Variants in CTNNA3 observed in about 807,000 individuals in gnomAD.
CTNNA3 encodes the protein catenin alpha-3.
In CTNNA3, 76 loss-of-function variants were observed where a neutral mutation model predicts 95.7. The ratio of observed to expected loss-of-function variants is 0.79; its 90% CI spans 0.66 to 0.96. The LOEUF (loss-of-function observed/expected upper bound fraction) is 0.96, where lower values mean the gene tolerates loss of function less well. Ranked by LOEUF, CTNNA3 falls within the 40% of genes least tolerant of loss-of-function variation. The pLI, the probability that CTNNA3 is intolerant of heterozygous loss-of-function variation, is 0.00. For missense variants in CTNNA3, 1,191 were observed against 1,089.8 expected (o/e 1.09, Z -1.31); for synonymous variants, 431 against 374.4 (o/e 1.15, Z -1.74).
chr10:66,171,989 T>C (rs1441346186), intron 13 of CTNNA3, among the ~76,000 whole-genome samples: 1 of 152,300 alleles, frequency 6.6e-6, no homozygotes, highest in Non-Finnish European at 1.5e-5. Context: ...CTAATGGAAT[T>C]AGGAACAAAA....
intron 9 of CTNNA3, among the ~76,000 whole-genome samples, chr10:66,696,703 C>G (rs1049559391): frequency 3.9e-5 from 6 of 152,012 alleles, no homozygotes; most frequent in Non-Finnish European, 7.4e-5. Flanking sequence ...GAGGCCCAGG[C>G]AGGAGGATCA....
chr10:67,160,811 A>C, intron 7 of CTNNA3, among the ~76,000 whole-genome samples: 1 of 152,216 alleles, frequency 6.6e-6, no homozygotes, highest in East Asian at 1.9e-4. Flanking sequence ...TGGATAAAAA[A>C]TATGTGGTAT....
chr10:67,727,782 G>C (rs1180022420), intron 1 of CTNNA3, among the ~76,000 whole-genome samples: 29 of 117,950 alleles, frequency 2.5e-4, no homozygotes, highest in African/African-American at 9.0e-4. Flanking sequence ...TATATAATAT[G>C]TAAAATACAT....
intron 5 of CTNNA3, among the ~76,000 whole-genome samples, chr10:67,295,918 C>A (rs1840012705): frequency 6.6e-6 from 1 of 152,094 alleles, no homozygotes; most frequent in Non-Finnish European, 1.5e-5. Context: ...CTGTAATGTA[C>A]CATACACATG....
chr10:66,519,664 C>T (rs551170413), intron 11 of CTNNA3, among the ~76,000 whole-genome samples: 2 of 152,274 alleles, frequency 1.3e-5, no homozygotes, highest in East Asian at 3.9e-4. Context: ...TTCTACTTGT[C>T]CCACTTTTGC....
intron 5 of CTNNA3, among the ~76,000 whole-genome samples, chr10:67,438,819 C>T (rs115982833): frequency 0.017 from 2,653 of 152,268 alleles, 80 homozygotes; most frequent in African/African-American, 0.061. Context: ...GAGAGCAAAG[C>T]CATGCTGGGC....
At chr10:66,128,805 T>C (rs2133840457) in intron 13 of CTNNA3, among the ~76,000 whole-genome samples, 1 of 152,252 alleles carries the variant, frequency 6.6e-6, no homozygotes, top group African/African-American at 2.4e-5. Context: ...TCAATGTAGG[T>C]TCACCAATTG....
chr10:66,099,909 A>G (rs925221742), intron 14 of CTNNA3, among the ~76,000 whole-genome samples: 12 of 152,136 alleles, frequency 7.9e-5, no homozygotes, highest in Non-Finnish European at 2.9e-5. Context: ...CTGAGTCTGA[A>G]GACATAATCC....
rs61453326 is a variant in CTNNA3 at position 66,211,983 on chromosome 10, G to GTTT, written c.1884+68484_1884+68486dup. Reference sequence around the variant, plus strand: ...CAGTCATAGCAACTATTGTTTTTGGGTTTTTTTTTTTTTTTTTTTTTTTTG... The same window carrying GTTT: ...CAGTCATAGCAACTATTGTTTTTGGGTTTTTTTTTTTTTTTTTTTTTTTTTTTG... On this transcript the variant is annotated intron_variant, in intron 13 of 17. Coordinates refer to ENST00000433211, the MANE Select transcript of CTNNA3 (RefSeq NM_013266.4). Among the ~76,000 whole-genome samples, 912 of 94,966 alleles carry GTTT rather than the reference G, an allele frequency of 9.6e-3. 5 individuals carry two copies. Among genetic ancestry groups the GTTT allele is most frequent in the African/African-American group, 0.017 (384 of 22,464 alleles). 62.3% of individuals were successfully genotyped at this position (94,966 alleles called of 152,430 possible). A position where few individuals can be genotyped will look rare whatever the true frequency, so the allele number is the denominator to read the frequency against.
chr10:67,670,371 T>G (rs939479660), intron 1 of CTNNA3, among the ~76,000 whole-genome samples: 1 of 152,228 alleles, frequency 6.6e-6, no homozygotes, highest in Non-Finnish European at 1.5e-5. Context: ...AAAAGAAATA[T>G]ATGTACAAAA....
chr10:67,130,065 A>G (rs1038666580), intron 7 of CTNNA3, among the ~76,000 whole-genome samples: 2 of 152,122 alleles, frequency 1.3e-5, no homozygotes, highest in African/African-American at 4.8e-5. Context: ...TGTCTTTGAA[A>G]TCTACCCCCC....
At chr10:67,343,220 G>A (rs1357809642) in intron 5 of CTNNA3, among the ~76,000 whole-genome samples, 1 of 152,096 alleles carries the variant, frequency 6.6e-6, no homozygotes, top group Non-Finnish European at 1.5e-5. Flanking sequence ...CAAAGTGCTG[G>A]GATTACAGGT....
At chr10:66,561,719 A>G (rs1038818846) in intron 10 of CTNNA3, among the ~76,000 whole-genome samples, 1 of 152,108 alleles carries the variant, frequency 6.6e-6, no homozygotes, top group African/African-American at 2.4e-5. Flanking sequence ...GCAAAGGAAA[A>G]TGCTGCAGGG....
chr10:66,007,770 CTTCCTTCCTTT>C (rs2078924159), intron 15 of CTNNA3, among the ~76,000 whole-genome samples: 1 of 118,172 alleles, frequency 8.5e-6, no homozygotes, highest in African/African-American at 3.4e-5. Context: ...CCCTCCCTCT[CTTCCTTCCTTT>C]CCTCCCTTCC....
chr10:67,615,845 T>C (rs1028521879), intron 2 of CTNNA3, among the ~76,000 whole-genome samples: 15 of 151,996 alleles, frequency 9.9e-5, no homozygotes, highest in Admixed American at 9.2e-4. Context: ...GTGTTTTTAG[T>C]AGAGATGGGG....
At chr10:66,452,872 A>G (rs1232306074) in intron 11 of CTNNA3, among the ~76,000 whole-genome samples, 2 of 151,990 alleles carry the variant, frequency 1.3e-5, no homozygotes, top group South Asian at 2.1e-4. Context: ...GACCCAACTA[A>G]TCAGCATTCC....
intron 12 of CTNNA3, among the ~76,000 whole-genome samples, chr10:66,300,056 CT>C (rs200578159): frequency 5.7e-5 from 8 of 139,636 alleles, no homozygotes; most frequent in Admixed American, 7.4e-5. Context: ...CCATGCCTGG[CT>C]AATTTTTTAT....
rs2077003874 is a variant in CTNNA3 at position 65,916,038 on chromosome 10, G to T, written c.*4292C>A. On this transcript the variant is annotated 3_prime_UTR_variant, in exon 18 of 18. Coordinates refer to ENST00000433211, the MANE Select transcript of CTNNA3 (RefSeq NM_013266.4). ...AAATAAAAACTCTCAAACTGCTATT[G>T]TTATTAGTCCTGGCTTATTTGTTTA... The T allele has an allele frequency of 6.6e-6, 1 of 151,898 alleles. No homozygotes were observed. The highest frequency in any genetic ancestry group is 1.5e-5 in the Non-Finnish European group (1 of 67,976). 9.4% of individuals were successfully genotyped at this position (151,898 alleles called of 1,614,324 possible). A position where few individuals can be genotyped will look rare whatever the true frequency, so the allele number is the denominator to read the frequency against.
At chr10:67,448,210 C>G (rs2132952571) in intron 5 of CTNNA3, among the ~76,000 whole-genome samples, 1 of 152,250 alleles carries the variant, frequency 6.6e-6, no homozygotes, top group Non-Finnish European at 1.5e-5. Flanking sequence ...GGGAAAGGGA[C>G]TGGTTTTTAA....
Sources: allele counts gnomAD v4.1 joint callset (sites outside exome capture counted in the v4.1 genomes callset), GRCh38; gene constraint gnomAD v4.1.1; transcripts MANE v1.5; gene names NCBI Gene and HGNC (gene_info 2026-07-23, HGNC 2026-07-21).